Variants in SPACA7 observed in about 807,000 individuals in gnomAD.
The protein encoded by SPACA7 is sperm acrosome associated 7.
In SPACA7, 19 loss-of-function variants were observed where a neutral mutation model predicts 26.3. That is an observed-to-expected ratio of 0.72 (90% CI 0.50 to 1.06). The LOEUF (loss-of-function observed/expected upper bound fraction) is 1.06. SPACA7 is among the 50% of genes least tolerant of loss of function. The probability of loss-of-function intolerance (pLI) is 0.00; values close to 1 mark genes in which losing one functional copy is unlikely to be tolerated. For missense variants in SPACA7, 211 were observed against 229.9 expected, an observed-to-expected ratio of 0.92 and a Z score of 0.53; for synonymous variants, 84 against 84.5, an observed-to-expected ratio of 0.99 and a Z score of 0.04.
chr13:112,431,172 A>T (rs1360398957), intron 5 of SPACA7, among the ~76,000 whole-genome samples: 1 of 152,254 alleles, frequency 6.6e-6, no homozygotes, highest in Non-Finnish European at 1.5e-5. Flanking sequence ...AGCACCTAAG[A>T]ATAATTTAGA....
rs375208103 is a variant in SPACA7 at position 112,429,991 on chromosome 13, T to C, written c.446-2453T>C. Among the ~76,000 whole-genome samples the C allele has an allele frequency of 2.0e-5, 3 of 152,186 alleles. No homozygotes were observed. The East Asian group carries it at 5.8e-4, about 29-fold the overall frequency. On this transcript the variant is annotated intron_variant, in intron 5 of 6. Coordinates refer to ENST00000283550, the MANE Select transcript of SPACA7 (RefSeq NM_145248.5). ...TCTGTGTACTCAATTTCCTGTGTAT[T>C]ATGAGGGTTTTTTAAAATGTTTTCT...
intron 5 of SPACA7, among the ~76,000 whole-genome samples, chr13:112,405,969 A>G (rs1885962800): frequency 6.6e-6 from 1 of 152,160 alleles, no homozygotes; most frequent in Non-Finnish European, 1.5e-5. Flanking sequence ...AAGGACCACT[A>G]TCTCTCTGCT....
At chr13:112,430,562 G>A (rs1877006689) in intron 5 of SPACA7, among the ~76,000 whole-genome samples, 2 of 152,162 alleles carry the variant, frequency 1.3e-5, no homozygotes, top group Non-Finnish European at 2.9e-5. Flanking sequence ...CTGGAACTGT[G>A]AAAAGCTCTG....
chr13:112,400,264 G>A (rs1594277851), intron 4 of SPACA7, among the ~76,000 whole-genome samples: 1 of 152,100 alleles, frequency 6.6e-6, no homozygotes, highest in Non-Finnish European at 1.5e-5. Flanking sequence ...CTCTGGAGTT[G>A]GGAAAGATTG....
chr13:112,407,400 A>C (rs1429878484), intron 5 of SPACA7, among the ~76,000 whole-genome samples: 1 of 152,206 alleles, frequency 6.6e-6, no homozygotes, highest in Admixed American at 6.5e-5. Context: ...AGACACAAAA[A>C]ACACTTCAAA....
chr13:112,404,575 C>T lies in SPACA7; in HGVS notation c.445+3411C>T, dbSNP rs569344952. Among the ~76,000 whole-genome samples the T allele has an allele frequency of 1.2e-4, 18 of 152,274 alleles. 1 individual carries two copies. In the South Asian group the frequency reaches 3.5e-3, roughly 30 times the overall value. The stretch of plus-strand genomic sequence containing the variant: ...TCTTAAATTTAAGTCCTTTATCCAT[C>T]TTGAGTTGATTTTTGTATAAGCTGA... On this transcript the variant is annotated intron_variant, in intron 5 of 6. Coordinates refer to ENST00000283550, the MANE Select transcript of SPACA7 (RefSeq NM_145248.5).
intron 5 of SPACA7, among the ~76,000 whole-genome samples, chr13:112,401,462 G>T (rs946538615): frequency 1.3e-5 from 2 of 152,138 alleles, no homozygotes; most frequent in African/African-American, 4.8e-5. Context: ...ATTTCTCAAA[G>T]CTGTTTATAT....
intron 5 of SPACA7, among the ~76,000 whole-genome samples, chr13:112,415,199 G>T (rs1468762754): frequency 1.3e-5 from 2 of 152,216 alleles, no homozygotes; most frequent in Admixed American, 6.5e-5. Flanking sequence ...ACACTGAGCT[G>T]CCTGGAGTTG....
intron 5 of SPACA7, among the ~76,000 whole-genome samples, chr13:112,413,577 A>G (rs1157961073): frequency 2.0e-5 from 3 of 152,036 alleles, no homozygotes; most frequent in Non-Finnish European, 4.4e-5. Flanking sequence ...ACTTGGGTTG[A>G]ATATTCCTGG....
Position 112,419,049 on chromosome 13 carries a change from G to A in SPACA7, c.446-13395G>A, listed in dbSNP as rs568482987. Reference sequence around the variant, plus strand: ...AAAAAAAAACAAAAAACAATGCTACGCTACTCTCACCCTAATAATAAAAAG... The same window carrying A: ...AAAAAAAAACAAAAAACAATGCTACACTACTCTCACCCTAATAATAAAAAG... On this transcript the variant is annotated intron_variant, in intron 5 of 6. Transcript: ENST00000283550. Among the ~76,000 whole-genome samples, 27 of 151,712 alleles carry A rather than the reference G, an allele frequency of 1.8e-4. No individual in the cohort carries two copies. The South Asian group carries it at 2.1e-3, about 12-fold the overall frequency.
In SPACA7 at chr13:112,386,875, G is replaced by C. The variant is rs149085632; in HGVS notation, c.95-6146G>C. Among the ~76,000 whole-genome samples, 162 of 152,212 alleles carry C rather than the reference G, an allele frequency of 1.1e-3. 3 individuals are homozygous for C. In the East Asian group the frequency reaches 0.027, roughly 26 times the overall value. Reference sequence around the variant, plus strand: ...CTTTACCAAAGGTAACCTCCTAGGTGTTTCAAAAACATGGTAAGAAGTTTC... The same window carrying C: ...CTTTACCAAAGGTAACCTCCTAGGTCTTTCAAAAACATGGTAAGAAGTTTC... On this transcript the variant is annotated intron_variant, in intron 1 of 6. Coordinates refer to ENST00000283550, the MANE Select transcript of SPACA7 (RefSeq NM_145248.5).
chr13:112,432,367 T>G, intron 5 of SPACA7, 77 bp from the exon 6 acceptor site: 1 of 1,239,556 alleles, frequency 8.1e-7, no homozygotes, highest in South Asian at 1.3e-5. Context: ...TACGGCTCCC[T>G]GAAGTTAAAG....
intron 5 of SPACA7, among the ~76,000 whole-genome samples, chr13:112,408,066 T>C (rs1269113551): frequency 6.6e-6 from 1 of 152,136 alleles, no homozygotes; most frequent in Non-Finnish European, 1.5e-5. Flanking sequence ...TGGTTCAAAG[T>C]ACGCAAATAA....
At chr13:112,407,499 GA>G (rs1440221611) in intron 5 of SPACA7, among the ~76,000 whole-genome samples, 1 of 151,868 alleles carries the variant, frequency 6.6e-6, no homozygotes, top group African/African-American at 2.4e-5. Context: ...AAAGAGAGAA[GA>G]ATCAAACAGA....
At chr13:112,393,544 A>G (rs1885036130) in intron 2 of SPACA7, among the ~76,000 whole-genome samples, 1 of 150,176 alleles carries the variant, frequency 6.7e-6, no homozygotes, top group African/African-American at 2.5e-5. Context: ...GAAACTACAG[A>G]CCCCCTGGCC....
chr13:112,398,319 A>C (rs1057349804), intron 3 of SPACA7, among the ~76,000 whole-genome samples, 181 bp downstream of exon 3: 1 of 151,932 alleles, frequency 6.6e-6, no homozygotes, highest in Non-Finnish European at 1.5e-5. Flanking sequence ...TTCCCGAGAC[A>C]GAGGAAGTCA....
chr13:112,379,520 T>C (rs1005179372), intron 1 of SPACA7, among the ~76,000 whole-genome samples: 5 of 152,210 alleles, frequency 3.3e-5, no homozygotes, highest in South Asian at 2.1e-4. Context: ...AAATTAGGAC[T>C]CATAACTTTA....
At chr13:112,409,002 G>A (rs1886172657) in intron 5 of SPACA7, among the ~76,000 whole-genome samples, 2 of 152,202 alleles carry the variant, frequency 1.3e-5, no homozygotes, top group East Asian at 3.9e-4. Context: ...GCATGATACT[G>A]GTACCAAAAC....
rs1471577074 is a variant in SPACA7, at chr13:112,430,168, C to CTGTGTGTGTGTGTG, written c.446-2275_446-2274insGTGTGTGTGTGTGT. Among the ~76,000 whole-genome samples the CTGTGTGTGTGTGTG allele has an allele frequency of 3.2e-3, 370 of 115,890 alleles. 1 individual carries two copies. Among genetic ancestry groups the CTGTGTGTGTGTGTG allele is most frequent in the African/African-American group, 0.012 (303 of 26,332 alleles). The allele number at this position is 115,890 out of a possible 152,430, so 76.0% of individuals were successfully genotyped here. A position where few individuals can be genotyped will look rare whatever the true frequency, so the allele number is the denominator to read the frequency against. On this transcript the variant is annotated intron_variant, in intron 5 of 6. Transcript: ENST00000283550. ...AAGGCTCAAGGCATCCCTTGCATCTCTCTCTCTGTGTGTGTGTGTGTGTGT... is the reference window on the plus strand; with the variant it reads ...AAGGCTCAAGGCATCCCTTGCATCTCTGTGTGTGTGTGTGTCTCTCTGTGTGTGTGTGTGTGTGT...
Sources: allele counts gnomAD v4.1 joint callset (sites outside exome capture counted in the v4.1 genomes callset), GRCh38; gene constraint gnomAD v4.1.1; transcripts MANE v1.5; gene names NCBI Gene and HGNC (gene_info 2026-07-23, HGNC 2026-07-21).